LRRC27: variants seen among roughly 807,000 people sequenced by gnomAD.
LRRC27 encodes the protein leucine-rich repeat-containing protein 27.
In LRRC27, 57 loss-of-function variants were observed where a neutral mutation model predicts 55.0. That is an observed-to-expected ratio of 1.04 (90% confidence interval 0.84 to 1.29). The LOEUF (loss-of-function observed/expected upper bound fraction) is 1.29. LRRC27 is among the 50% of genes most tolerant of loss of function. The pLI, the probability that LRRC27 is intolerant of heterozygous loss-of-function variation, is 0.00. For missense variants in LRRC27, 721 were observed against 651.5 expected, an observed-to-expected ratio of 1.11 and a Z score of -1.16; for synonymous variants, 278 against 251.9, an observed-to-expected ratio of 1.10 and a Z score of -0.98.
Position 132,372,973 on chromosome 10 carries a change from G to C in LRRC27, c.1417-2093G>C, listed in dbSNP as rs113608243. On this transcript the variant is annotated intron_variant, in intron 10 of 10. Transcript: ENST00000368614. The surrounding 1 kb of genome is among the most constrained non-coding windows in gnomAD (Gnocchi z 4.0). The stretch of plus-strand genomic sequence containing the variant: ...TTGAGGGAAGCCCCAAGGTGAGGGA[G>C]AGGCCAAAGCCAGCCGGCTGGGGAG... Among the ~76,000 whole-genome samples, 7 of 152,124 alleles carry C rather than the reference G, an allele frequency of 4.6e-5. No homozygotes were observed. The highest frequency in any genetic ancestry group is 4.6e-4 in the Admixed American group (7 of 15,286).
chr10:132,336,974 CTTAT>C (rs1296432248), intron 2 of LRRC27: 10 of 731,548 alleles, frequency 1.4e-5, no homozygotes, highest in Non-Finnish European at 2.1e-5. Flanking sequence ...TCCACCTTCC[CTTAT>C]TTGTCACGAC....
rs935764321 is a variant in LRRC27 at position 132,353,194 on chromosome 10, C to T, written c.1073+1441C>T. On this transcript the variant is annotated intron_variant, in intron 7 of 10. Coordinates refer to ENST00000368614, the MANE Select transcript of LRRC27 (RefSeq NM_030626.3). ...GAGGAGGAAGGGAGAGCGAGGGCCT[C>T]GTCTTTACTTTCCCGGCTTCTTTGT... 42 of 1,390,334 alleles carry T rather than the reference C, an allele frequency of 3.0e-5. No individual in the cohort carries two copies. In the East Asian group the frequency reaches 7.4e-4, roughly 24 times the overall value. 86.1% of individuals were successfully genotyped at this position (1,390,334 alleles called of 1,614,324 possible).
Position 132,348,321 on chromosome 10 carries a change from TGAGA to T in LRRC27, c.892_895del (p.Glu298LysfsTer54). The T allele has an allele frequency of 6.2e-7, 1 of 1,613,588 alleles. No individual in the cohort carries two copies. Among genetic ancestry groups the T allele is most frequent in the Non-Finnish European group, 8.5e-7 (1 of 1,179,730 alleles). On this transcript the variant is annotated frameshift_variant, in exon 6 of 11. Transcript: ENST00000368614. LOFTEE classifies it high-confidence loss of function. This position sits in a 1 kb window ranked among gnomAD's most constrained non-coding sequence, Gnocchi z 4.2. ...CAAATCTCAAGGCGGCCTTGAACAT[TGAGA>T]AAGAACTACCAAAGCCAAGACACGT...
At position 132,352,003 on chromosome 10, in the gene LRRC27, G is replaced by A. The variant is rs1021027536; in HGVS notation, c.1073+250G>A. On this transcript the variant is annotated intron_variant, in intron 7 of 10. Transcript: ENST00000368614. ...CGTGTGGGGCAGGCGCAGGTGCAGC[G>A]CTCCGTGTGGGGCAGGCGCTGAGGC... Among the ~76,000 whole-genome samples, 8 of 134,810 alleles carry A rather than the reference G, an allele frequency of 5.9e-5. No homozygotes were observed. The South Asian group carries it at 7.3e-4, about 12-fold the overall frequency. 88.4% of individuals were successfully genotyped at this position (134,810 alleles called of 152,430 possible). A position where few individuals can be genotyped will look rare whatever the true frequency, so the allele number is the denominator to read the frequency against.
intron 6 of LRRC27, among the ~76,000 whole-genome samples, chr10:132,349,486 C>T (rs757992164): frequency 6.6e-6 from 1 of 152,194 alleles, no homozygotes; most frequent in Non-Finnish European, 1.5e-5. Flanking sequence ...GCCTCGGACG[C>T]TCCAGCACGC....
At chr10:132,331,464 G>C (rs759439357), upstream of LRRC27, 1 of 1,612,520 alleles carries the variant, frequency 6.2e-7, no homozygotes, top group Non-Finnish European at 8.5e-7. Flanking sequence ...TCACTCCTCC[G>C]TCCAGAGGCA....
rs201674338 is a variant in LRRC27, at chr10:132,333,615, C to G, written c.91C>G (p.Pro31Ala). 1.9e-6 allele frequency: 3 copies of G among 1,612,956 alleles called. No homozygotes were observed. The highest frequency in any genetic ancestry group is 1.1e-5 in the South Asian group (1 of 91,008). The change falls in exon 2 of 11, where the codon CCC (proline) becomes GCC (alanine). Residue 31 changes from proline (P) to alanine (A), a missense_variant. Coordinates refer to ENST00000368614, the MANE Select transcript of LRRC27 (RefSeq NM_030626.3). ...AGQTRSLPAT[P>A]SKDVHKGVGG... ...TCAGACTAGGAGCTTGCCTGCCACC[C>G]CCTCCAAAGATGTTCACAAGGGTGT...
intron 10 of LRRC27, chr10:132,366,879 G>A: frequency 7.8e-7 from 1 of 1,286,528 alleles, no homozygotes. Context: ...CATGAGGGCA[G>A]GATGTGGAGC....
chr10:132,351,790 C>T (rs2068026652), intron 7 of LRRC27, 37 bp downstream of exon 7: 2 of 1,569,376 alleles, frequency 1.3e-6, no homozygotes, highest in Non-Finnish European at 1.7e-6. Flanking sequence ...CACAGCCCGC[C>T]CAGTGCACCC....
At chr10:132,338,902 G>A (rs2067257930) in intron 3 of LRRC27, among the ~76,000 whole-genome samples, 1 of 152,076 alleles carries the variant, frequency 6.6e-6, no homozygotes, top group Non-Finnish European at 1.5e-5. Context: ...TAGAAACGGG[G>A]TTTTGCCATG....
chr10:132,358,641 G>A (rs1257542323), intron 8 of LRRC27, among the ~76,000 whole-genome samples: 7 of 110,938 alleles, frequency 6.3e-5, no homozygotes, highest in South Asian at 3.7e-4. Context: ...AGCCGAGGTG[G>A]TGGAGCAGTG....
intron 2 of LRRC27, chr10:132,336,706 A>AC (rs2067149560): frequency 1.4e-6 from 1 of 721,176 alleles, no homozygotes; most frequent in Non-Finnish European, 2.6e-6. Flanking sequence ...TCAAGGTCAC[A>AC]CAGCCAATAG....
intron 2 of LRRC27, 140 bp from the exon 3 acceptor site, chr10:132,337,425 A>C (rs745476741): frequency 3.9e-4 from 563 of 1,433,080 alleles, no homozygotes; most frequent in South Asian, 7.5e-4. Flanking sequence ...TTTAAGGGTA[A>C]GAGATTGGGT....
Position 132,337,564 on chromosome 10 carries a change from G to C in LRRC27, c.211-1G>C, listed in dbSNP as rs199909233. On this transcript the variant is annotated splice_acceptor_variant, in intron 2 of 10. Transcript: ENST00000368614. LOFTEE classifies it high-confidence loss of function. ...TTCTCTGATTCTCTTTTCCATGGAA[G>C]CAATTGCATCTGCAAAGGAATGCCC... 259 of 1,611,554 alleles carry C rather than the reference G, an allele frequency of 1.6e-4. No homozygotes were observed. Among genetic ancestry groups the C allele is most frequent in the Non-Finnish European group, 2.1e-4 (246 of 1,179,144 alleles).
Position 132,375,152 on chromosome 10 carries a change from C to T in LRRC27, c.1503C>T (p.Asn501=). 1 of 1,614,164 alleles carries T rather than the reference C, an allele frequency of 6.2e-7. No individual in the cohort carries two copies. Residue 501 remains asparagine, a synonymous_variant, in exon 11 of 11, where the codon AAC becomes AAT. Transcript: ENST00000368614. ...KDRRRAALTG[N]LSLGLPAAQP... is the part of the protein sequence containing the mutation. ...GTCGACGGGCGGCCCTCACTGGAAA[C>T]CTTTCGCTTGGCCTGCCGGCAGCAC... is the stretch of plus-strand genomic sequence containing the variant.
upstream of LRRC27, chr10:132,331,697 C>A: frequency 6.2e-7 from 1 of 1,612,782 alleles, no homozygotes; most frequent in South Asian, 1.1e-5. Context: ...GCAGCCCCGC[C>A]CGCCCCGGGC....
At position 132,364,549 on chromosome 10, in the gene LRRC27, A is replaced by T. The variant is rs1293351559; in HGVS notation, c.1290-875A>T. On this transcript the variant is annotated intron_variant, in intron 9 of 10. Coordinates refer to ENST00000368614, the MANE Select transcript of LRRC27 (RefSeq NM_030626.3). ...TACACCCACACTTAAATCTACCTCCACACCCACACTTACACCCACGTCCAC... is the reference window on the plus strand; with the variant it reads ...TACACCCACACTTAAATCTACCTCCTCACCCACACTTACACCCACGTCCAC... 7.3e-4 allele frequency among the ~76,000 whole-genome samples: 25 copies of T among 34,396 alleles called. 2 individuals are homozygous for T. The East Asian group carries it at 0.013, about 18-fold the overall frequency. 22.6% of individuals were successfully genotyped at this position (34,396 alleles called of 152,430 possible). A position where few individuals can be genotyped will look rare whatever the true frequency, so the allele number is the denominator to read the frequency against.
upstream of LRRC27, chr10:132,332,032 C>T (rs1241361478): frequency 2.8e-6 from 1 of 363,362 alleles, no homozygotes; most frequent in Non-Finnish European, 4.9e-6. Flanking sequence ...CACACCCCGC[C>T]CCCGCACGCA....
intron 10 of LRRC27, among the ~76,000 whole-genome samples, chr10:132,367,858 T>A (rs1191413249): frequency 5.9e-5 from 9 of 152,206 alleles, no homozygotes; most frequent in Admixed American, 1.3e-4. Flanking sequence ...AACTCTTAGC[T>A]AGTTCAAGAA....
Sources: gnomAD v4.1 joint callset for allele counts (sites outside exome capture counted in the v4.1 genomes callset) on GRCh38, gnomAD v4.1.1 for gene constraint, Gnocchi (gnomAD v3.1) non-coding constraint, MANE v1.5 for transcripts, NCBI Gene and HGNC (gene_info 2026-07-23, HGNC 2026-07-21) for gene names.